The following GNG12 variants were observed in gnomAD, a reference collection of about 807,000 sequenced individuals.
GNG12 encodes G protein subunit gamma 12.
For missense variants in GNG12, 69 were observed against 83.8 expected (o/e 0.82, Z 0.69); for synonymous variants, 28 against 29.7 (o/e 0.94, Z 0.19).
chr1:67,759,231 C>A (rs1646588157), intron 2 of GNG12, among the ~76,000 whole-genome samples: 1 of 152,344 alleles, frequency 6.6e-6, no homozygotes, highest in East Asian at 1.9e-4. Context: ...ATACATCCCA[C>A]AGTACTAATG....
At chr1:67,783,623 GA>G (rs542142950) in intron 1 of GNG12, among the ~76,000 whole-genome samples, 2 of 151,882 alleles carry the variant, frequency 1.3e-5, no homozygotes, top group Non-Finnish European at 2.9e-5. Context: ...AAATTTACTA[GA>G]AAAAAACAAC....
chr1:67,809,989 A>G (rs1646914586), intron 1 of GNG12, among the ~76,000 whole-genome samples: 1 of 152,250 alleles, frequency 6.6e-6, no homozygotes, highest in Admixed American at 6.5e-5. Context: ...AGCTTTGTAC[A>G]TAATTGCCAA....
At chr1:67,739,586 G>C (rs1646471427) in intron 2 of GNG12, among the ~76,000 whole-genome samples, 1 of 152,208 alleles carries the variant, frequency 6.6e-6, no homozygotes, top group African/African-American at 2.4e-5. Flanking sequence ...TTTGAAAGTG[G>C]TGTTCATGAG....
intron 2 of GNG12, among the ~76,000 whole-genome samples, chr1:67,755,646 T>C (rs1258144316): frequency 6.6e-6 from 1 of 152,180 alleles, no homozygotes; most frequent in Non-Finnish European, 1.5e-5. Flanking sequence ...ATAAAAGCTC[T>C]ACAGTCCACT....
intron 1 of GNG12, among the ~76,000 whole-genome samples, chr1:67,804,436 A>G (rs756442576): frequency 2.7e-4 from 41 of 152,190 alleles, no homozygotes; most frequent in Non-Finnish European, 6.0e-4. Flanking sequence ...TGCTAGGTGC[A>G]CATTAACTCT....
chr1:67,782,628 G>A (rs1413306917), intron 1 of GNG12, among the ~76,000 whole-genome samples: 1 of 151,824 alleles, frequency 6.6e-6, no homozygotes, highest in Non-Finnish European at 1.5e-5. Context: ...ATAAGTTGGG[G>A]GAAAAGTATT....
At chr1:67,716,110 G>A (rs1160639679) in intron 2 of GNG12, among the ~76,000 whole-genome samples, 3 of 152,168 alleles carry the variant, frequency 2.0e-5, no homozygotes, top group African/African-American at 7.2e-5. Flanking sequence ...GGAGAGATGA[G>A]GAGGGGCTGC....
intron 1 of GNG12, among the ~76,000 whole-genome samples, chr1:67,818,194 G>C (rs1250455673): frequency 2.6e-5 from 4 of 152,168 alleles, no homozygotes; most frequent in Non-Finnish European, 4.4e-5. Flanking sequence ...CAAAAGCAAA[G>C]GCAGACCCTT....
chr1:67,728,436 G>A (rs1221620911), intron 2 of GNG12, among the ~76,000 whole-genome samples: 1 of 152,192 alleles, frequency 6.6e-6, no homozygotes. Context: ...GAACAACAGA[G>A]ATATTCTGCA....
chr1:67,706,046 T>C (rs1024041178), intron 3 of GNG12, among the ~76,000 whole-genome samples: 18 of 152,190 alleles, frequency 1.2e-4, no homozygotes, highest in African/African-American at 4.3e-4. Context: ...AGACATTATA[T>C]ATGTTTTGTG....
intron 2 of GNG12, among the ~76,000 whole-genome samples, chr1:67,748,589 C>G (rs1646520257): frequency 6.6e-6 from 1 of 152,120 alleles, no homozygotes; most frequent in Admixed American, 6.5e-5. Flanking sequence ...TATTCGCACC[C>G]TCTAAGAGTT....
chr1:67,714,865 T>C (rs1297446080), intron 2 of GNG12, among the ~76,000 whole-genome samples: 2 of 152,144 alleles, frequency 1.3e-5, no homozygotes, highest in South Asian at 2.1e-4. Context: ...AATTTGGACA[T>C]AGATGGGGAC....
chr1:67,731,444 A>T (rs143889873), intron 2 of GNG12, among the ~76,000 whole-genome samples: 30 of 152,368 alleles, frequency 2.0e-4, no homozygotes, highest in Non-Finnish European at 2.6e-4. Context: ...GAGGAGAGTG[A>T]TTCCTTTTGG....
chr1:67,794,949 C>T (rs569176125), intron 1 of GNG12, among the ~76,000 whole-genome samples: 1 of 152,334 alleles, frequency 6.6e-6, no homozygotes, highest in South Asian at 2.1e-4. Flanking sequence ...CTGAGGCAGG[C>T]ATTTCACTAA....
chr1:67,779,570 TC>T (rs1342438140), intron 1 of GNG12, among the ~76,000 whole-genome samples: 1 of 152,014 alleles, frequency 6.6e-6, no homozygotes, highest in African/African-American at 2.4e-5. Context: ...ACATGTCCTT[TC>T]CCTACAGTAT....
intron 1 of GNG12, among the ~76,000 whole-genome samples, chr1:67,787,598 A>G (rs561623732): frequency 1.3e-5 from 2 of 152,292 alleles, no homozygotes; most frequent in African/African-American, 2.4e-5. Context: ...AGGCCCTTTT[A>G]GGTAATAGAC....
chr1:67,744,498 C>T (rs554325759), intron 2 of GNG12, among the ~76,000 whole-genome samples: 136 of 152,114 alleles, frequency 8.9e-4, no homozygotes, highest in Non-Finnish European at 1.4e-3. Flanking sequence ...TTCAGATATA[C>T]GAAGAACATT....
intron 2 of GNG12, among the ~76,000 whole-genome samples, chr1:67,754,301 C>T (rs1646555416): frequency 6.6e-6 from 1 of 152,118 alleles, no homozygotes. Context: ...CTCATCATTC[C>T]TGTCCCCACC....
chr1:67,728,378 G>C (rs1423351898), intron 2 of GNG12, among the ~76,000 whole-genome samples: 1 of 152,124 alleles, frequency 6.6e-6, no homozygotes, highest in Admixed American at 6.6e-5. Context: ...TGCCTTGTTC[G>C]AGTCACTTCT....
Sources: allele counts gnomAD v4.1 joint callset (sites outside exome capture counted in the v4.1 genomes callset), GRCh38; gene constraint gnomAD v4.1.1; transcripts MANE v1.5; gene names NCBI Gene and HGNC (gene_info 2026-07-23, HGNC 2026-07-21).